SPAG16: variants seen among roughly 807,000 people sequenced by gnomAD.
SPAG16 encodes sperm-associated antigen 16 protein.
In SPAG16, 86 loss-of-function variants were observed where a neutral mutation model predicts 80.4. That is an observed-to-expected ratio of 1.07 (90% CI 0.90 to 1.28). The LOEUF is 1.28. SPAG16 is among the 50% of genes most tolerant of loss of function. SPAG16 has a pLI of 0.00. For missense variants in SPAG16, 870 were observed against 765.3 expected (o/e 1.14, Z -1.61); for synonymous variants, 294 against 265.9 (o/e 1.11, Z -1.03).
At chr2:213,363,389 A>G (rs1408270616) in intron 7 of SPAG16, among the ~76,000 whole-genome samples, 1 of 151,998 alleles carries the variant, frequency 6.6e-6, no homozygotes, top group Admixed American at 6.6e-5. Flanking sequence ...AAATTATGTT[A>G]TTTTCTATTA....
chr2:213,676,292 TG>T (rs1490698941), intron 10 of SPAG16, among the ~76,000 whole-genome samples: 1 of 152,168 alleles, frequency 6.6e-6, no homozygotes, highest in African/African-American at 2.4e-5. Context: ...GATGAGACAA[TG>T]GGGTTTTCTA....
intron 12 of SPAG16, among the ~76,000 whole-genome samples, chr2:213,975,557 C>CT (rs1214356177): frequency 6.6e-6 from 1 of 151,472 alleles, no homozygotes; most frequent in Non-Finnish European, 1.5e-5. Flanking sequence ...ACCCTAAAGG[C>CT]TTTTATAATT....
intron 15 of SPAG16, among the ~76,000 whole-genome samples, chr2:214,288,927 C>A (rs1337475602): frequency 6.6e-6 from 1 of 152,102 alleles, no homozygotes; most frequent in Admixed American, 6.5e-5. Context: ...TGCCATCACG[C>A]CCGGCTAATA....
intron 15 of SPAG16, among the ~76,000 whole-genome samples, chr2:214,325,955 A>G (rs1000504786): frequency 2.0e-5 from 3 of 152,218 alleles, no homozygotes; most frequent in Non-Finnish European, 4.4e-5. Context: ...CTCCAAAACT[A>G]GCCCTAGCAC....
intron 10 of SPAG16, among the ~76,000 whole-genome samples, chr2:213,575,745 C>T (rs2060101235): frequency 6.6e-6 from 1 of 152,026 alleles, no homozygotes; most frequent in Admixed American, 6.6e-5. Flanking sequence ...TGTATTATTT[C>T]CACTAGTCAA....
chr2:214,012,142 C>T (rs2047310446), intron 12 of SPAG16, among the ~76,000 whole-genome samples: 3 of 150,682 alleles, frequency 2.0e-5, no homozygotes, highest in African/African-American at 7.3e-5. Context: ...TTGCCCACTA[C>T]ACTATATTAT....
At chr2:213,706,036 T>A (rs1456517739) in intron 10 of SPAG16, among the ~76,000 whole-genome samples, 1 of 152,226 alleles carries the variant, frequency 6.6e-6, no homozygotes, top group Non-Finnish European at 1.5e-5. Flanking sequence ...TTTACTATTT[T>A]ATGCTTTGGC....
intron 10 of SPAG16, among the ~76,000 whole-genome samples, chr2:213,857,834 A>G (rs2075242347): frequency 6.6e-6 from 1 of 152,236 alleles, no homozygotes; most frequent in South Asian, 2.1e-4. Flanking sequence ...TTCATGATTT[A>G]TAGGAAGAGA....
intron 12 of SPAG16, among the ~76,000 whole-genome samples, chr2:213,994,098 C>T (rs1021623490): frequency 6.6e-6 from 1 of 152,062 alleles, no homozygotes; most frequent in Non-Finnish European, 1.5e-5. Context: ...GTTATAAATA[C>T]AAAGGAAGTA....
intron 15 of SPAG16, among the ~76,000 whole-genome samples, chr2:214,387,686 A>AACTT (rs1363772304): frequency 1.3e-5 from 2 of 152,216 alleles, no homozygotes; most frequent in African/African-American, 4.8e-5. Context: ...GGCCTCAGGA[A>AACTT]ACTTACAATC....
chr2:214,271,330 G>GGGAATT (rs1468256991), intron 15 of SPAG16, among the ~76,000 whole-genome samples: 5 of 152,004 alleles, frequency 3.3e-5, no homozygotes, highest in African/African-American at 1.2e-4. Flanking sequence ...CCCATCAAAG[G>GGGAATT]TACTGAATGT....
intron 12 of SPAG16, among the ~76,000 whole-genome samples, chr2:213,936,705 G>C (rs116750550): frequency 0.012 from 1,861 of 152,092 alleles, 34 homozygotes; most frequent in African/African-American, 0.042. Context: ...CCTTATACTG[G>C]GACACTAATA....
chr2:213,467,400 T>C (rs2072758986), intron 9 of SPAG16, among the ~76,000 whole-genome samples: 1 of 152,204 alleles, frequency 6.6e-6, no homozygotes, highest in Non-Finnish European at 1.5e-5. Flanking sequence ...AGTTCCCTTA[T>C]GAGGTAAAAT....
At chr2:213,818,062 G>A (rs2072675762) in intron 10 of SPAG16, among the ~76,000 whole-genome samples, 2 of 152,092 alleles carry the variant, frequency 1.3e-5, no homozygotes, top group South Asian at 2.1e-4. Flanking sequence ...CCATCCCCAA[G>A]CATAAAGAAG....
At chr2:213,636,771 A>T (rs2062379152) in intron 10 of SPAG16, among the ~76,000 whole-genome samples, 2 of 152,230 alleles carry the variant, frequency 1.3e-5, no homozygotes, top group South Asian at 2.1e-4. Flanking sequence ...CTGTTCGTGT[A>T]TAACAATGCT....
chr2:214,326,466 G>A (rs1696487470), intron 15 of SPAG16, among the ~76,000 whole-genome samples: 1 of 152,182 alleles, frequency 6.6e-6, no homozygotes, highest in South Asian at 2.1e-4. Flanking sequence ...AATGTATCAT[G>A]GCAGCCACAG....
chr2:213,470,135 G>A (rs2072998220), intron 9 of SPAG16, among the ~76,000 whole-genome samples: 1 of 152,118 alleles, frequency 6.6e-6, no homozygotes, highest in South Asian at 2.1e-4. Flanking sequence ...GAACATGCAT[G>A]GCCTTCTGGA....
chr2:213,819,917 C>T (rs962106378), intron 10 of SPAG16, among the ~76,000 whole-genome samples: 11 of 149,614 alleles, frequency 7.4e-5, no homozygotes, highest in African/African-American at 1.2e-4. Context: ...CCACCACACC[C>T]GGCTAATTTT....
intron 9 of SPAG16, among the ~76,000 whole-genome samples, chr2:213,484,204 T>C (rs919065968): frequency 4.6e-5 from 7 of 152,196 alleles, no homozygotes; most frequent in Admixed American, 3.9e-4. Flanking sequence ...AAAGACTAAT[T>C]AGATACTTGA....
Sources: gnomAD v4.1 joint callset for allele counts (sites outside exome capture counted in the v4.1 genomes callset) on GRCh38, gnomAD v4.1.1 for gene constraint, MANE v1.5 for transcripts, NCBI Gene and HGNC (gene_info 2026-07-23, HGNC 2026-07-21) for gene names.